The following GEMIN7 variants were observed in gnomAD, a reference collection of about 807,000 sequenced individuals.
GEMIN7 encodes gem nuclear organelle associated protein 7, also known as gem-associated protein 7.
Under a neutral mutation model 7.8 loss-of-function variants are expected in GEMIN7, and 7 were observed. That is an observed-to-expected ratio of 0.90 (90% CI 0.51 to 1.69). GEMIN7 has a LOEUF of 1.69. Among genes scored for constraint, GEMIN7 ranks in the 40% most tolerant of loss-of-function variants. The pLI is 0.00. For missense variants in GEMIN7, 159 were observed against 176.2 expected, an observed-to-expected ratio of 0.90 and a Z score of 0.55; for synonymous variants, 68 against 72.4, an observed-to-expected ratio of 0.94 and a Z score of 0.31.
chr19:45,088,702 T>G (rs932180192), intron 2 of GEMIN7: 1 of 152,046 alleles, frequency 6.6e-6, no homozygotes, highest in Non-Finnish European at 1.5e-5. Flanking sequence ...GGCAACATAG[T>G]GAGACCCTGT....
chr19:45,089,559 C>G (rs1053491457), intron 2 of GEMIN7, among the ~76,000 whole-genome samples: 1 of 152,022 alleles, frequency 6.6e-6, no homozygotes, highest in Non-Finnish European at 1.5e-5. Context: ...TTTTTAGAGA[C>G]AGTGTCTCAC....
At chr19:45,075,694 T>G (rs1401670129), upstream of GEMIN7, 28 of 1,611,510 alleles carry the variant, frequency 1.7e-5, no homozygotes, top group Non-Finnish European at 2.4e-5. Flanking sequence ...AGAGGGGGAC[T>G]GCACCCGGCT....
upstream of GEMIN7, among the ~76,000 whole-genome samples, chr19:45,077,482 G>A (rs776541660): frequency 1.3e-4 from 20 of 152,142 alleles, no homozygotes; most frequent in Middle Eastern, 3.4e-3. Flanking sequence ...TCCTGGCACC[G>A]ACTGCACGAC....
rs1399901197 is a variant in GEMIN7, at chr19:45,090,655, A to C, written c.*145A>C. On this transcript the variant is annotated 3_prime_UTR_variant, in exon 3 of 3. Coordinates refer to ENST00000270257, the MANE Select transcript of GEMIN7 (RefSeq NM_024707.3). ...AGCTTTAAGCAAGTCTGGACTCCTG[A>C]GACCTCCTGGGTCTAGTCAGTAAAA... The C allele has an allele frequency of 5.7e-6, 4 of 707,872 alleles. No homozygotes were observed. The East Asian group carries it at 1.1e-4, about 19-fold the overall frequency. The allele number at this position is 707,872 out of a possible 1,614,324, so 43.8% of individuals were successfully genotyped here.
At chr19:45,081,649 T>A (rs965099863) in intron 2 of GEMIN7, among the ~76,000 whole-genome samples, 1 of 151,920 alleles carries the variant, frequency 6.6e-6, no homozygotes, top group Non-Finnish European at 1.5e-5. Context: ...TGTTTTGAGA[T>A]GGAGTCTCAC....
At chr19:45,085,269 A>G (rs1440482783) in intron 2 of GEMIN7, 1 of 152,042 alleles carries the variant, frequency 6.6e-6, no homozygotes, top group Non-Finnish European at 1.5e-5. Flanking sequence ...CCTCTTTGTG[A>G]CCTGTTTGTC....
intron 2 of GEMIN7, among the ~76,000 whole-genome samples, chr19:45,085,039 C>G (rs1967634180): frequency 6.6e-6 from 1 of 152,168 alleles, no homozygotes; most frequent in Non-Finnish European, 1.5e-5. Context: ...TCTCAAAGTG[C>G]TGGAATTACA....
chr19:45,087,592 A>G (rs1967738473), intron 2 of GEMIN7, among the ~76,000 whole-genome samples: 1 of 152,174 alleles, frequency 6.6e-6, no homozygotes, highest in Non-Finnish European at 1.5e-5. Context: ...GAGCCCAAGA[A>G]GGGATTGCCA....
At chr19:45,084,910 C>T (rs540117951) in intron 2 of GEMIN7, among the ~76,000 whole-genome samples, 1 of 152,374 alleles carries the variant, frequency 6.6e-6, no homozygotes, top group East Asian at 1.9e-4. Context: ...CATGCACCAC[C>T]ACTAATTACA....
At chr19:45,088,827 C>G (rs1449372571) in intron 2 of GEMIN7, 1 of 152,120 alleles carries the variant, frequency 6.6e-6, no homozygotes, top group Non-Finnish European at 1.5e-5. Context: ...GGGGTGCATA[C>G]CAGGTTCCTC....
At chr19:45,084,965 G>A (rs1967631103) in intron 2 of GEMIN7, among the ~76,000 whole-genome samples, 2 of 152,200 alleles carry the variant, frequency 1.3e-5, no homozygotes, top group South Asian at 4.1e-4. Flanking sequence ...TAGAGGCAGG[G>A]TCTCTCCATG....
chr19:45,075,676 C>G, upstream of GEMIN7: 3 of 1,605,718 alleles, frequency 1.9e-6, no homozygotes, highest in Non-Finnish European at 2.6e-6. Flanking sequence ...GCCCAGCCCT[C>G]GAACTTGAGA....
chr19:45,076,198 G>C, upstream of GEMIN7: 1 of 1,507,362 alleles, frequency 6.6e-7, no homozygotes, highest in East Asian at 2.4e-5. This position sits in a 1 kb window ranked among gnomAD's most constrained non-coding sequence, Gnocchi z 4.9. Context: ...GAACCGCCCC[G>C]CCGAGGACAC....
chr19:45,083,174 G>A (rs373879000), intron 2 of GEMIN7, among the ~76,000 whole-genome samples: 2 of 152,186 alleles, frequency 1.3e-5, no homozygotes, highest in African/African-American at 2.4e-5. Flanking sequence ...CGCTGGGCGC[G>A]GTAGCTCACG....
chr19:45,086,813 G>A (rs1316467669), intron 2 of GEMIN7, among the ~76,000 whole-genome samples: 1 of 151,828 alleles, frequency 6.6e-6, no homozygotes, highest in Non-Finnish European at 1.5e-5. Context: ...AGCTAAACCG[G>A]CCTGGGATCT....
At position 45,090,145 on chromosome 19, in the gene GEMIN7, G is replaced by A. The variant is rs777794180; in HGVS notation, c.31G>A (p.Val11Met). 2 of 1,613,574 alleles carry A rather than the reference G, an allele frequency of 1.2e-6. No homozygotes were observed. The highest frequency in any genetic ancestry group is 1.7e-6 in the Non-Finnish European group (2 of 1,179,762). ...AACTCCAGTGAACATTCCCGTGCCT[G>A]TGCTCCGGCTGCCCCGGGGCCCTGA... MQTPVNIPVP[V>M]LRLPRGPDGF... is the part of the protein sequence containing the mutation. Residue 11 changes from valine (V) to methionine (M), a missense_variant, in exon 3 of 3, where the codon GTG (valine) becomes ATG (methionine). Physicochemically the swap from Val to Met is conservative, Grantham distance 21. Transcript: ENST00000270257.
In GEMIN7 at chr19:45,090,808, A is replaced by G. The variant is rs1390692082; in HGVS notation, c.*298A>G. 2 of 364,030 alleles carry G rather than the reference A, an allele frequency of 5.5e-6. No individual in the cohort carries two copies. The highest frequency in any genetic ancestry group is 4.1e-5 in the African/African-American group (2 of 48,862). 22.5% of individuals were successfully genotyped at this position (364,030 alleles called of 1,614,324 possible). On this transcript the variant is annotated 3_prime_UTR_variant, in exon 3 of 3. Coordinates refer to ENST00000270257, the MANE Select transcript of GEMIN7 (RefSeq NM_024707.3). ...CCGGGGCATCGGGGTGGGGTGATAA[A>G]GGATACAACCTGCACAGGGGGAAGT... is the stretch of plus-strand genomic sequence containing the variant.
chr19:45,086,311 G>A (rs1329951375), intron 2 of GEMIN7, among the ~76,000 whole-genome samples: 21 of 152,028 alleles, frequency 1.4e-4, no homozygotes, highest in Admixed American at 1.4e-3. Context: ...CCTCCCTTCT[G>A]TGCCTGGCCC....
chr19:45,082,870 C>T (rs192065198), intron 2 of GEMIN7, among the ~76,000 whole-genome samples: 139 of 151,402 alleles, frequency 9.2e-4, no homozygotes, highest in African/African-American at 3.1e-3. Flanking sequence ...ATTCTCCAGC[C>T]TCAGTCTCCC....
Sources: allele counts gnomAD v4.1 joint callset (sites outside exome capture counted in the v4.1 genomes callset), GRCh38; gene constraint gnomAD v4.1.1; non-coding constraint Gnocchi (gnomAD v3.1); transcripts MANE v1.5; gene names NCBI Gene and HGNC (gene_info 2026-07-23, HGNC 2026-07-21).